The following DET1 variants were observed in gnomAD, a reference collection of about 807,000 sequenced individuals.
DET1 encodes the protein DET1 partner of COP1 E3 ubiquitin ligase.
A neutral mutation model predicts 43.7 loss-of-function variants in DET1; 22 were observed. That is an observed-to-expected ratio of 0.50 (90% CI 0.36 to 0.72). The LOEUF is 0.72. Ranked by LOEUF, DET1 falls within the 30% of genes least tolerant of loss-of-function variation. DET1 has a pLI of 0.00. For missense variants in DET1, 713 were observed against 713.3 expected, an observed-to-expected ratio of 1.00 and a Z score of 0.00; for synonymous variants, 315 against 266.2, an observed-to-expected ratio of 1.18 and a Z score of -1.79.
chr15:88,511,466 G>A (rs759639598), downstream of DET1: 11 of 985,346 alleles, frequency 1.1e-5, no homozygotes, highest in South Asian at 4.7e-5. Context: ...TATATGCTGG[G>A]CCTCTCCTTG....
chr15:88,517,636 G>A (rs971607477), intron 3 of DET1, among the ~76,000 whole-genome samples: 1 of 152,150 alleles, frequency 6.6e-6, no homozygotes, highest in Non-Finnish European at 1.5e-5. Context: ...GGGGAAAAAG[G>A]TCAAGAACTT....
At chr15:88,532,717 T>C (rs946358601) in intron 1 of DET1, among the ~76,000 whole-genome samples, 8 of 152,144 alleles carry the variant, frequency 5.3e-5, no homozygotes, top group Admixed American at 4.6e-4. Context: ...ACAAATGGTG[T>C]TGGGAAAACT....
At chr15:88,518,715 G>A (rs2056413104) in intron 3 of DET1, among the ~76,000 whole-genome samples, 1 of 151,924 alleles carries the variant, frequency 6.6e-6, no homozygotes, top group African/African-American at 2.4e-5. Context: ...TTTAGTCTGG[G>A]AGAAAAGTAT....
At chr15:88,544,840 A>G (rs1035632207) in intron 1 of DET1, among the ~76,000 whole-genome samples, 3 of 152,286 alleles carry the variant, frequency 2.0e-5, no homozygotes, top group Non-Finnish European at 4.4e-5. Context: ...TCTCCTTTGC[A>G]GTTGATTTTA....
In DET1 at chr15:88,530,986, A is replaced by G. The variant is rs1252225067; in HGVS notation, c.720T>C (p.His240=). 4 of 1,613,774 alleles carry G rather than the reference A, an allele frequency of 2.5e-6. No homozygotes were observed. The highest frequency in any genetic ancestry group is 1.1e-5 in the South Asian group (1 of 91,068). The part of the protein sequence containing the change: ...AILSVQQQTI[H]VFQVTPEGTF... ...TGCCTTCAGGAGTCACCTGGAAGAC[A>G]TGGATGGTCTGTTGTTGCACAGACA... Residue 240 remains histidine, a synonymous_variant, in exon 2 of 5, where the codon CAT becomes CAC. Transcript: ENST00000268148.
At chr15:88,528,074 C>A (rs2056714798) in intron 2 of DET1, among the ~76,000 whole-genome samples, 1 of 152,194 alleles carries the variant, frequency 6.6e-6, no homozygotes, top group South Asian at 2.1e-4. Flanking sequence ...AGATGGCCAG[C>A]ATATAAGTAT....
intron 3 of DET1, among the ~76,000 whole-genome samples, chr15:88,523,436 C>A (rs2056558839): frequency 1.3e-5 from 2 of 152,254 alleles, no homozygotes; most frequent in Admixed American, 1.3e-4. Flanking sequence ...TCTCCCCTTT[C>A]CACGGTCTCC....
At chr15:88,508,695 G>A (rs1430737665), downstream of DET1, among the ~76,000 whole-genome samples, 1 of 132,932 alleles carries the variant, frequency 7.5e-6, no homozygotes, top group Non-Finnish European at 1.8e-5. Flanking sequence ...AGTTTCAGAG[G>A]AGGGGTGGAG....
At chr15:88,546,367 A>G (rs2057255337) in intron 1 of DET1, 173 bp downstream of exon 1, 1 of 152,090 alleles carries the variant, frequency 6.6e-6, no homozygotes, top group Non-Finnish European at 1.5e-5. Context: ...GGGCACACAT[A>G]CCCAAAAGGG....
At chr15:88,533,017 G>GA (rs1183658350) in intron 1 of DET1, among the ~76,000 whole-genome samples, 2 of 152,098 alleles carry the variant, frequency 1.3e-5, no homozygotes, top group African/African-American at 4.8e-5. Flanking sequence ...CAGAATGGAA[G>GA]AAAATATTTG....
In DET1 at chr15:88,513,061, G is replaced by A; in HGVS notation, c.1543C>T (p.Arg515Ter). ...LLGRPINHTV[R>*]RLVAFTFHPF... is the part of the protein sequence containing the mutation. ...TGAAAGGTGAAGGCAACAAGGCGTC[G>A]CACTGTGTGGTTGATGGGGCGGCCC... The change falls in exon 5 of 5, where the codon CGA (arginine) becomes TGA (stop). Residue 515 changes from arginine (R) to a stop codon, truncating the protein, a stop_gained. Transcript: ENST00000268148. LOFTEE classifies it high-confidence loss of function. 3 of 1,614,024 alleles carry A rather than the reference G, an allele frequency of 1.9e-6. No homozygotes were observed. Among genetic ancestry groups the A allele is most frequent in the Non-Finnish European group, 2.5e-6 (3 of 1,179,870 alleles).
At position 88,527,757 on chromosome 15, in the gene DET1, C is replaced by G. The variant is rs760652449; in HGVS notation, c.1113G>C (p.Val371=). 6.2e-7 allele frequency: 1 copy of G among 1,610,998 alleles called. No homozygotes were observed. Among genetic ancestry groups the G allele is most frequent in the South Asian group, 1.1e-5 (1 of 90,654 alleles). ...CAAACACAGCAATCACCTCTGTCGT[C>G]ACCATATTGTACACCACAAAGAAAG... is the stretch of plus-strand genomic sequence containing the variant. ...QASFFVVYNM[V]TTEVIAVFEN... The change falls in exon 3 of 5, where the codon GTG becomes GTC. Residue 371 remains valine, a synonymous_variant. Transcript: ENST00000268148.
chr15:88,542,344 T>A (rs909198526), intron 1 of DET1, among the ~76,000 whole-genome samples: 1 of 152,170 alleles, frequency 6.6e-6, no homozygotes, highest in African/African-American at 2.4e-5. Context: ...TTTTCACTGG[T>A]ATCTCCTCAC....
At chr15:88,535,937 G>T (rs1420260395) in intron 1 of DET1, among the ~76,000 whole-genome samples, 4 of 152,110 alleles carry the variant, frequency 2.6e-5, no homozygotes, top group African/African-American at 9.7e-5. Context: ...CCAAATTCAG[G>T]AAGTTCAGAG....
chr15:88,530,836 A>G lies in DET1; in HGVS notation c.870T>C (p.Pro290=). 1 of 1,613,932 alleles carries G rather than the reference A, an allele frequency of 6.2e-7. No individual in the cohort carries two copies. The highest frequency in any genetic ancestry group is 8.5e-7 in the Non-Finnish European group (1 of 1,179,840). The change falls in exon 2 of 5, where the codon CCT becomes CCC. Residue 290 remains proline, a synonymous_variant. Transcript: ENST00000268148. ...ACCGGTGTTTGAGGGAATTGATGAA[A>G]GGATCCCTAAAGGGATTGGCCATGC... ...QTGMANPFRD[P]FINSLKHRLL...
At chr15:88,533,068 T>C (rs2056857359) in intron 1 of DET1, among the ~76,000 whole-genome samples, 1 of 152,118 alleles carries the variant, frequency 6.6e-6, no homozygotes, top group Non-Finnish European at 1.5e-5. Context: ...CTAGAACATA[T>C]AAAGAACTCC....
intron 4 of DET1, 45 bp from the exon 5 acceptor site, chr15:88,513,185 G>T: frequency 6.5e-7 from 1 of 1,531,986 alleles, no homozygotes; most frequent in Non-Finnish European, 8.8e-7. Context: ...GGACAGGATT[G>T]ATATTCACCA....
Position 88,516,895 on chromosome 15 carries a change from G to A in DET1, c.1350C>T (p.Ile450=). ...GGCTACCGCTGTAAGACTGAGCACT[G>A]ATGGGGAGCTGACCCAGCAGCCGGC... ...AVRRLLGQLP[I]SAQSYSGSPY... is the part of the protein sequence containing the mutation. Residue 450 remains isoleucine (I), a synonymous_variant, in exon 4 of 5, where the codon ATC becomes ATT. Transcript: ENST00000268148. The surrounding 1 kb of genome is among the most constrained non-coding windows in gnomAD (Gnocchi z 4.4). 1 of 1,611,150 alleles carries A rather than the reference G, an allele frequency of 6.2e-7. No homozygotes were observed. Among genetic ancestry groups the A allele is most frequent in the Non-Finnish European group, 8.5e-7 (1 of 1,178,664 alleles).
At chr15:88,546,424 A>C (rs2057257661) in intron 1 of DET1, 116 bp downstream of exon 1, 1 of 152,354 alleles carries the variant, frequency 6.6e-6, no homozygotes, top group Non-Finnish European at 1.5e-5. Flanking sequence ...AGGGAAGAGA[A>C]TGCTGAGGGA....
Sources: allele counts gnomAD v4.1 joint callset (sites outside exome capture counted in the v4.1 genomes callset), GRCh38; gene constraint gnomAD v4.1.1; non-coding constraint Gnocchi (gnomAD v3.1); transcripts MANE v1.5; gene names NCBI Gene and HGNC (gene_info 2026-07-23, HGNC 2026-07-21).